Variants in DACH1 observed in about 807,000 individuals in gnomAD.
DACH1 encodes the protein dachshund homolog 1.
Under a neutral mutation model 54.2 loss-of-function variants are expected in DACH1, and 12 were observed. The ratio of observed to expected loss-of-function variants is 0.22; its 90% CI spans 0.14 to 0.36. The LOEUF is 0.36. Ranked by LOEUF, DACH1 falls within the 10% of genes least tolerant of loss-of-function variation. The probability of loss-of-function intolerance (pLI) is 1.00; values close to 1 mark genes in which losing one functional copy is unlikely to be tolerated. For synonymous variants in DACH1, 386 were observed against 366.2 expected (o/e 1.05, Z -0.62); for missense variants, 805 against 929.8 (o/e 0.87, Z 1.75).
intron 6 of DACH1, among the ~76,000 whole-genome samples, chr13:71,493,489 C>A (rs1315671757): frequency 2.0e-5 from 3 of 152,140 alleles, no homozygotes; most frequent in African/African-American, 7.2e-5. Context: ...ATAAATCCTA[C>A]ATAAATGTTT....
At chr13:71,711,745 T>TA (rs1477585579) in intron 1 of DACH1, among the ~76,000 whole-genome samples, 1 of 152,176 alleles carries the variant, frequency 6.6e-6, no homozygotes, top group Admixed American at 6.5e-5. Flanking sequence ...AGCAGGTATT[T>TA]ATGATAAGAC....
intron 6 of DACH1, among the ~76,000 whole-genome samples, chr13:71,529,397 C>T (rs1882258724): frequency 6.6e-6 from 1 of 151,806 alleles, no homozygotes; most frequent in African/African-American, 2.4e-5. Context: ...ATGTTAGCAA[C>T]GATGGTCTCC....
chr13:71,580,028 G>A (rs1347827946), intron 3 of DACH1, among the ~76,000 whole-genome samples: 2 of 152,118 alleles, frequency 1.3e-5, no homozygotes, highest in Non-Finnish European at 2.9e-5. Flanking sequence ...CAGACTATAA[G>A]CTGATTGTAA....
chr13:71,474,998 TA>T, intron 10 of DACH1, 142 bp downstream of exon 10: 2 of 674,618 alleles, frequency 3.0e-6, no homozygotes, highest in African/African-American at 1.8e-5. Context: ...TTCACTCATA[TA>T]AACAAGCAAG....
chr13:71,441,651 A>G (rs921625148), intron 10 of DACH1, among the ~76,000 whole-genome samples: 5 of 152,104 alleles, frequency 3.3e-5, no homozygotes, highest in African/African-American at 1.2e-4. Flanking sequence ...GAATTAAAAT[A>G]TAAGAAAACA....
chr13:71,817,596 T>C (rs536943422), intron 1 of DACH1, among the ~76,000 whole-genome samples: 6 of 152,126 alleles, frequency 3.9e-5, no homozygotes, highest in Non-Finnish European at 8.8e-5. Flanking sequence ...GGGTGGCACA[T>C]GCTATCAGTG....
chr13:71,447,134 T>G (rs1346936876), intron 10 of DACH1, among the ~76,000 whole-genome samples: 2 of 152,204 alleles, frequency 1.3e-5, no homozygotes, highest in Non-Finnish European at 2.9e-5. Context: ...CTGAATAGTT[T>G]ATTGTGCGTG....
chr13:71,663,190 T>A (rs1468607019), intron 2 of DACH1, among the ~76,000 whole-genome samples: 3 of 148,596 alleles, frequency 2.0e-5, no homozygotes, highest in African/African-American at 7.5e-5. Flanking sequence ...CTTCTCCAAT[T>A]GAGAATAAAA....
intron 1 of DACH1, among the ~76,000 whole-genome samples, chr13:71,780,706 C>T (rs1886334912): frequency 6.6e-6 from 1 of 151,666 alleles, no homozygotes; most frequent in Non-Finnish European, 1.5e-5. Flanking sequence ...TCTTCCTTCA[C>T]TTAACTTTTA....
At chr13:71,452,595 T>C (rs563726548) in intron 10 of DACH1, among the ~76,000 whole-genome samples, 3 of 152,320 alleles carry the variant, frequency 2.0e-5, no homozygotes, top group African/African-American at 7.2e-5. Context: ...TCATGATAAG[T>C]ATTTTTCCTG....
chr13:71,652,070 T>C (rs1315378631), intron 2 of DACH1, among the ~76,000 whole-genome samples: 4 of 152,160 alleles, frequency 2.6e-5, no homozygotes, highest in African/African-American at 9.7e-5. Flanking sequence ...GTATTCCTAT[T>C]TGTTTCATAT....
At chr13:71,732,243 C>T (rs1883783657) in intron 1 of DACH1, among the ~76,000 whole-genome samples, 1 of 152,062 alleles carries the variant, frequency 6.6e-6, no homozygotes, top group African/African-American at 2.4e-5. Context: ...ACCTCTTCTA[C>T]TGTCCTAGTT....
At position 71,670,227 on chromosome 13, in the gene DACH1, C is replaced by T. The variant is rs185804776; in HGVS notation, c.964+11568G>A. Among the ~76,000 whole-genome samples the T allele has an allele frequency of 2.2e-3, 331 of 152,152 alleles. 2 individuals are homozygous for T. Among genetic ancestry groups the T allele is most frequent in the African/African-American group, 7.2e-3 (297 of 41,528 alleles). ...CCTTAATGAAGTGCAAAAACGTTTG[C>T]GTAATCTGATTCAATTTATTGAATT... On this transcript the variant is annotated intron_variant, in intron 2 of 10. Transcript: ENST00000613252.
intron 1 of DACH1, among the ~76,000 whole-genome samples, chr13:71,684,656 C>G (rs759249020): frequency 9.9e-5 from 15 of 152,108 alleles, no homozygotes; most frequent in Non-Finnish European, 2.1e-4. Context: ...ATTCTTCCTG[C>G]ACTGATTGCA....
intron 1 of DACH1, among the ~76,000 whole-genome samples, chr13:71,854,493 T>G (rs1300644352): frequency 6.6e-6 from 1 of 152,126 alleles, no homozygotes; most frequent in Non-Finnish European, 1.5e-5. Context: ...TCTCCTTTCA[T>G]GCATTTTATA....
chr13:71,638,141 C>G (rs1877625268), intron 2 of DACH1, among the ~76,000 whole-genome samples: 1 of 152,100 alleles, frequency 6.6e-6, no homozygotes, highest in African/African-American at 2.4e-5. Context: ...TAAACAAAAC[C>G]ATTTTAAACA....
intron 1 of DACH1, among the ~76,000 whole-genome samples, chr13:71,744,208 T>C (rs1476970595): frequency 6.6e-6 from 1 of 152,206 alleles, no homozygotes; most frequent in East Asian, 1.9e-4. Flanking sequence ...ATGGATAAAC[T>C]GACTACCTCA....
intron 10 of DACH1, among the ~76,000 whole-genome samples, chr13:71,460,247 A>G (rs1179655803): frequency 1.3e-5 from 2 of 152,134 alleles, no homozygotes; most frequent in African/African-American, 4.8e-5. Context: ...ACTTAAGTAT[A>G]TAAACATTCT....
At chr13:71,709,766 T>C (rs1475594693) in intron 1 of DACH1, among the ~76,000 whole-genome samples, 2 of 152,158 alleles carry the variant, frequency 1.3e-5, no homozygotes, top group Non-Finnish European at 2.9e-5. Flanking sequence ...GTCCGCCATT[T>C]CAGGAATCCA....
Sources: allele counts gnomAD v4.1 joint callset (sites outside exome capture counted in the v4.1 genomes callset), GRCh38; gene constraint gnomAD v4.1.1; transcripts MANE v1.5; gene names NCBI Gene and HGNC (gene_info 2026-07-23, HGNC 2026-07-21).